ASCL5: variants seen among roughly 807,000 people sequenced by gnomAD.
ASCL5 encodes achaete-scute homolog 5.
For missense variants in ASCL5, 262 were observed against 268.9 expected, an observed-to-expected ratio of 0.97 and a Z score of 0.18; for synonymous variants, 124 against 131.5, an observed-to-expected ratio of 0.94 and a Z score of 0.39.
At chr1:201,121,248 A>T (rs1264558600) in intron 1 of ASCL5, among the ~76,000 whole-genome samples, 1 of 152,236 alleles carries the variant, frequency 6.6e-6, no homozygotes, top group African/African-American at 2.4e-5. Context: ...TAAGCCCACT[A>T]ACATCAAATA....
Position 201,115,054 on chromosome 1 carries a change from G to A in ASCL5, c.319C>T (p.Arg107Cys). The stretch of plus-strand genomic sequence containing the variant: ...GCCAGGGCGCCGGGGAGGTGGCCGC[G>A]GAGGCGAGCGTAGCCCTCGTTGACG... The part of the protein sequence containing the change: ...KCVNEGYARL[R>C]GHLPGALAEK... Residue 107 changes from arginine (R) to cysteine (C), a missense_variant, in exon 2 of 2, where the codon CGC becomes TGC. Physicochemically the swap from Arg to Cys is radical, Grantham distance 180 (BLOSUM62 -3). Coordinates refer to ENST00000449188, the MANE Select transcript of ASCL5 (RefSeq NM_001270601.2). 8.1e-7 allele frequency: 1 copy of A among 1,232,088 alleles called. No individual in the cohort carries two copies. Among genetic ancestry groups the A allele is most frequent in the Non-Finnish European group, 1.0e-6 (1 of 988,296 alleles). The allele number at this position is 1,232,088 out of a possible 1,614,324, so 76.3% of individuals were successfully genotyped here.
At chr1:201,124,974 A>G (rs1035476381) in intron 1 of ASCL5, among the ~76,000 whole-genome samples, 6 of 152,156 alleles carry the variant, frequency 3.9e-5, no homozygotes, top group African/African-American at 1.4e-4. Flanking sequence ...GGATTCTCCA[A>G]CCTGTCTCAT....
rs146137021 is a variant in ASCL5 at position 201,125,207 on chromosome 1, C to A, written c.-506+1877G>T. Among the ~76,000 whole-genome samples, 3 of 152,288 alleles carry A rather than the reference C, an allele frequency of 2.0e-5. No homozygotes were observed. In the East Asian group the frequency reaches 5.8e-4, roughly 29 times the overall value. Reference sequence around the variant, plus strand: ...AGGTTACTGTGAAGTTCAAGGAGATCGTGCATGAAAACACGCTGGCACGCT... The same window carrying A: ...AGGTTACTGTGAAGTTCAAGGAGATAGTGCATGAAAACACGCTGGCACGCT... On this transcript the variant is annotated intron_variant, in intron 1 of 1. Transcript: ENST00000449188.
intron 1 of ASCL5, among the ~76,000 whole-genome samples, chr1:201,120,199 T>C (rs1176337046): frequency 2.0e-5 from 3 of 152,184 alleles, no homozygotes; most frequent in African/African-American, 7.2e-5. Flanking sequence ...GAGGGCGTAT[T>C]GTCAGCGGGG....
chr1:201,114,969 A>C lies in ASCL5; in HGVS notation c.404T>G (p.Leu135Arg). 8.1e-7 allele frequency: 1 copy of C among 1,231,474 alleles called. No homozygotes were observed. Among genetic ancestry groups the C allele is most frequent in the Non-Finnish European group, 1.0e-6 (1 of 987,864 alleles). 76.3% of individuals were successfully genotyped at this position (1,231,474 alleles called of 1,614,324 possible). A position where few individuals can be genotyped will look rare whatever the true frequency, so the allele number is the denominator to read the frequency against. Reference protein sequence around the residue: ...LRAAIRYIKYLQELLSSAPDG... With the variant: ...LRAAIRYIKYRQELLSSAPDG... ...GGGGGCCGAGCTCAGCAGCTCTTGCAGGTACTTTATGTAGCGGATGGCGGC... is the reference window on the plus strand; with the variant it reads ...GGGGGCCGAGCTCAGCAGCTCTTGCCGGTACTTTATGTAGCGGATGGCGGC... Residue 135 changes from leucine to arginine, a missense_variant, in exon 2 of 2, where the codon CTG becomes CGG. Transcript: ENST00000449188.
At position 201,115,065 on chromosome 1, in the gene ASCL5, T is replaced by C. The variant is rs887743378; in HGVS notation, c.308A>G (p.Tyr103Cys). The change falls in exon 2 of 2, where the codon TAC becomes TGC. Residue 103 changes from tyrosine (Y) to cysteine (C), a missense_variant. Physicochemically the swap from Tyr to Cys is radical, Grantham distance 194. Transcript: ENST00000449188. ...RQRVKCVNEG[Y>C]ARLRGHLPGA... Reference sequence around the variant, plus strand: ...GGGGAGGTGGCCGCGGAGGCGAGCGTAGCCCTCGTTGACGCACTTGACTCG... The same window carrying C: ...GGGGAGGTGGCCGCGGAGGCGAGCGCAGCCCTCGTTGACGCACTTGACTCG... 2 of 1,232,020 alleles carry C rather than the reference T, an allele frequency of 1.6e-6. No homozygotes were observed. The highest frequency in any genetic ancestry group is 2.0e-6 in the Non-Finnish European group (2 of 988,250). The allele number at this position is 1,232,020 out of a possible 1,614,324, so 76.3% of individuals were successfully genotyped here. A position where few individuals can be genotyped will look rare whatever the true frequency, so the allele number is the denominator to read the frequency against.
Position 201,114,751 on chromosome 1 carries a change from AT to A in ASCL5, c.621del (p.Ter207CysfsTer12). On this transcript the variant is annotated frameshift_variant and stop_lost, in exon 2 of 2. Coordinates refer to ENST00000449188, the MANE Select transcript of ASCL5 (RefSeq NM_001270601.2). LOFTEE classifies it high-confidence loss of function. Reference protein sequence around the residue: ...PFLESEESWH* With the variant: ...PFLESEESWHX Reference sequence around the variant, plus strand: ...CAAGCCGGGGGCGGCCACAGGCCCGATCAATGCCAGGATTCCTCCGACTCCA... The same window carrying A: ...CAAGCCGGGGGCGGCCACAGGCCCGACAATGCCAGGATTCCTCCGACTCCA... The A allele has an allele frequency of 9.7e-6, 12 of 1,230,974 alleles. No homozygotes were observed. The highest frequency in any genetic ancestry group is 1.2e-5 in the Non-Finnish European group (12 of 987,486). The allele number at this position is 1,230,974 out of a possible 1,614,324, so 76.3% of individuals were successfully genotyped here. A position where few individuals can be genotyped will look rare whatever the true frequency, so the allele number is the denominator to read the frequency against.
intron 1 of ASCL5, among the ~76,000 whole-genome samples, chr1:201,125,867 A>G (rs550817264): frequency 1.1e-4 from 17 of 152,330 alleles, no homozygotes; most frequent in African/African-American, 3.8e-4. Flanking sequence ...AGGTGGTCTC[A>G]CGAGCCGTGT....
At chr1:201,125,369 G>T (rs1663560572) in intron 1 of ASCL5, among the ~76,000 whole-genome samples, 1 of 152,164 alleles carries the variant, frequency 6.6e-6, no homozygotes, top group South Asian at 2.1e-4. Context: ...GCTTCAGCGT[G>T]AACATAACTC....
intron 1 of ASCL5, among the ~76,000 whole-genome samples, chr1:201,118,603 AGT>A (rs1202059662): frequency 6.6e-6 from 1 of 152,222 alleles, no homozygotes; most frequent in Non-Finnish European, 1.5e-5. Flanking sequence ...TGAGGAACAC[AGT>A]GTAGCATATG....
chr1:201,124,911 C>T (rs1168167920), intron 1 of ASCL5, among the ~76,000 whole-genome samples: 1 of 152,140 alleles, frequency 6.6e-6, no homozygotes, highest in Non-Finnish European at 1.5e-5. Flanking sequence ...CCCCAGTTTC[C>T]CCTCCTGGTG....
At chr1:201,124,120 G>A (rs1417602190) in intron 1 of ASCL5, among the ~76,000 whole-genome samples, 1 of 152,224 alleles carries the variant, frequency 6.6e-6, no homozygotes, top group Non-Finnish European at 1.5e-5. Context: ...TAATTTCAAA[G>A]AAGACAAAGA....
At position 201,114,684 on chromosome 1, in the gene ASCL5, CCG is replaced by C. The variant is rs1437325569; in HGVS notation, c.*66_*67del. On this transcript the variant is annotated 3_prime_UTR_variant, in exon 2 of 2. Transcript: ENST00000449188. ...GCATCGCGGGTGACCCAACAGCCTC[CCG>C]CTGCTCCCGAAAGTGGGACGGGGCC... 3 of 1,218,004 alleles carry C rather than the reference CCG, an allele frequency of 2.5e-6. No individual in the cohort carries two copies. In the African/African-American group the frequency reaches 4.7e-5, roughly 19 times the overall value. 75.4% of individuals were successfully genotyped at this position (1,218,004 alleles called of 1,614,324 possible). A position where few individuals can be genotyped will look rare whatever the true frequency, so the allele number is the denominator to read the frequency against.
At chr1:201,117,082 T>C (rs1157191178) in intron 1 of ASCL5, among the ~76,000 whole-genome samples, 26 of 152,144 alleles carry the variant, frequency 1.7e-4, no homozygotes, top group Admixed American at 1.7e-3. Context: ...CCACACTAAA[T>C]GAGGACCAAG....
At position 201,125,927 on chromosome 1, in the gene ASCL5, T is replaced by C. The variant is rs1007250211; in HGVS notation, c.-506+1157A>G. Among the ~76,000 whole-genome samples, 28 of 152,116 alleles carry C rather than the reference T, an allele frequency of 1.8e-4. 1 individual carries two copies. Among genetic ancestry groups the C allele is most frequent in the Admixed American group, 1.6e-3 (25 of 15,270 alleles). On this transcript the variant is annotated intron_variant, in intron 1 of 1. Coordinates refer to ENST00000449188, the MANE Select transcript of ASCL5 (RefSeq NM_001270601.2). Reference sequence around the variant, plus strand: ...GAGCAGCGATGCAGAGGTCTGAGCCTGAAAATACAAAACTCATCCATCCAA... The same window carrying C: ...GAGCAGCGATGCAGAGGTCTGAGCCCGAAAATACAAAACTCATCCATCCAA...
chr1:201,115,173 A>G lies in ASCL5; in HGVS notation c.200T>C (p.Val67Ala). ...GACCCCGAAGGCGCCGGGGAAGGGC[A>G]CGTAGGGGAACACCCCCGCATAGGC... is the stretch of plus-strand genomic sequence containing the variant. ...YDAYAGVFPY[V>A]PFPGAFGVYE... Residue 67 changes from valine (V) to alanine (A), a missense_variant, in exon 2 of 2, where the codon GTG becomes GCG. By Grantham distance (64) the Val-to-Ala change is moderately conservative. Coordinates refer to ENST00000449188, the MANE Select transcript of ASCL5 (RefSeq NM_001270601.2). 1 of 1,231,606 alleles carries G rather than the reference A, an allele frequency of 8.1e-7. No individual in the cohort carries two copies. The highest frequency in any genetic ancestry group is 1.0e-6 in the Non-Finnish European group (1 of 987,928). 76.3% of individuals were successfully genotyped at this position (1,231,606 alleles called of 1,614,324 possible).
chr1:201,122,106 C>A (rs1663473702), intron 1 of ASCL5, among the ~76,000 whole-genome samples: 1 of 152,210 alleles, frequency 6.6e-6, no homozygotes, highest in Non-Finnish European at 1.5e-5. Flanking sequence ...ATGCTTCATG[C>A]TCTGGGTGGG....
rs754684728 is a variant in ASCL5, at chr1:201,114,712, G to A, written c.*40C>T. 2.4e-6 allele frequency: 3 copies of A among 1,229,414 alleles called. No homozygotes were observed. The highest frequency in any genetic ancestry group is 3.0e-6 in the Non-Finnish European group (3 of 986,370). 76.2% of individuals were successfully genotyped at this position (1,229,414 alleles called of 1,614,324 possible). On this transcript the variant is annotated 3_prime_UTR_variant, in exon 2 of 2. Coordinates refer to ENST00000449188, the MANE Select transcript of ASCL5 (RefSeq NM_001270601.2). ...CTGCTCCCGAAAGTGGGACGGGGCC[G>A]GCGGATCATCCTCCAAGCCGGGGGC...
At chr1:201,118,539 G>T (rs1478657725) in intron 1 of ASCL5, among the ~76,000 whole-genome samples, 1 of 151,988 alleles carries the variant, frequency 6.6e-6, no homozygotes, top group Non-Finnish European at 1.5e-5. Context: ...ACCATAGGGG[G>T]GTACACAGCT....
Sources: allele counts gnomAD v4.1 joint callset (sites outside exome capture counted in the v4.1 genomes callset), GRCh38; gene constraint gnomAD v4.1.1; transcripts MANE v1.5; gene names NCBI Gene and HGNC (gene_info 2026-07-23, HGNC 2026-07-21).